Variants in EXT1 observed in about 807,000 individuals in gnomAD.
EXT1 encodes exostosin-1.
Under a neutral mutation model 82.5 loss-of-function variants are expected in EXT1, and 20 were observed. The observed-to-expected ratio is 0.24, with a 90% CI of 0.17 to 0.35. The LOEUF is 0.35. Among genes scored for constraint, EXT1 ranks in the 10% least tolerant of loss-of-function variants. The pLI, the probability that EXT1 is intolerant of heterozygous loss-of-function variation, is 1.00. For missense variants in EXT1, 757 were observed against 936.5 expected, an observed-to-expected ratio of 0.81 and a Z score of 2.50; for synonymous variants, 348 against 350.8, an observed-to-expected ratio of 0.99 and a Z score of 0.09.
chr8:117,827,128 T>G (rs1261315735), intron 4 of EXT1, among the ~76,000 whole-genome samples: 1 of 152,172 alleles, frequency 6.6e-6, no homozygotes, highest in African/African-American at 2.4e-5. Context: ...CCAGACAGCT[T>G]GTGAGATTCT....
chr8:118,091,190 A>G (rs1817518262), intron 1 of EXT1, among the ~76,000 whole-genome samples: 1 of 152,204 alleles, frequency 6.6e-6, no homozygotes, highest in Non-Finnish European at 1.5e-5. Context: ...TATCTTAGAC[A>G]ATACGATGCA....
At chr8:117,821,036 A>G (rs1396376051) in intron 5 of EXT1, among the ~76,000 whole-genome samples, 2 of 152,192 alleles carry the variant, frequency 1.3e-5, no homozygotes, top group African/African-American at 4.8e-5. Context: ...GAAATTAGAG[A>G]CAGGTTAAGA....
At position 118,100,054 on chromosome 8, in the gene EXT1, A is replaced by G. The variant is rs1424338689; in HGVS notation, c.962+10031T>C. On this transcript the variant is annotated intron_variant, in intron 1 of 10. Transcript: ENST00000378204. Reference sequence around the variant, plus strand: ...CACCATACCCAAGACGTGGCCTAATATGAATGGCTCTCCCCAGCAAGCAAT... The same window carrying G: ...CACCATACCCAAGACGTGGCCTAATGTGAATGGCTCTCCCCAGCAAGCAAT... Among the ~76,000 whole-genome samples the G allele has an allele frequency of 2.0e-5, 3 of 152,142 alleles. No individual in the cohort carries two copies. The East Asian group carries it at 5.8e-4, about 29-fold the overall frequency.
At chr8:118,102,222 G>A (rs1169261994) in intron 1 of EXT1, among the ~76,000 whole-genome samples, 6 of 151,874 alleles carry the variant, frequency 4.0e-5, no homozygotes, top group African/African-American at 1.5e-4. Flanking sequence ...AGCCGAGATC[G>A]CGCCACTGCA....
intron 1 of EXT1, among the ~76,000 whole-genome samples, chr8:117,963,785 C>G (rs879841523): frequency 6.6e-6 from 1 of 152,276 alleles, no homozygotes. Flanking sequence ...CCACTGCACC[C>G]GGCCCCTATT....
At chr8:117,877,124 T>A (rs1443186669) in intron 1 of EXT1, among the ~76,000 whole-genome samples, 1 of 152,316 alleles carries the variant, frequency 6.6e-6, no homozygotes. Flanking sequence ...TGACAGAGTA[T>A]CTTTTGCACG....
At chr8:118,005,434 G>A (rs1815753786) in intron 1 of EXT1, among the ~76,000 whole-genome samples, 1 of 152,198 alleles carries the variant, frequency 6.6e-6, no homozygotes, top group Non-Finnish European at 1.5e-5. Flanking sequence ...CAAAACAGCA[G>A]CAGTAGCTAA....
intron 3 of EXT1, among the ~76,000 whole-genome samples, chr8:117,833,087 A>G (rs1337864384): frequency 2.0e-5 from 3 of 152,248 alleles, no homozygotes; most frequent in Non-Finnish European, 4.4e-5. Flanking sequence ...TAACAAAAAA[A>G]CATTTCCCAG....
intron 1 of EXT1, among the ~76,000 whole-genome samples, chr8:118,027,830 C>T (rs538659736): frequency 1.3e-5 from 2 of 152,250 alleles, no homozygotes; most frequent in African/African-American, 4.8e-5. Context: ...AATTTGCAGC[C>T]GCTCCCCAGT....
chr8:117,946,657 G>T (rs776221973), intron 1 of EXT1, among the ~76,000 whole-genome samples: 6 of 152,176 alleles, frequency 3.9e-5, no homozygotes, highest in Non-Finnish European at 7.3e-5. Context: ...GACCAGTCGT[G>T]GGCTCCTAGC....
intron 1 of EXT1, among the ~76,000 whole-genome samples, chr8:117,996,819 T>C (rs560012437): frequency 5.9e-5 from 9 of 152,186 alleles, no homozygotes; most frequent in Non-Finnish European, 7.3e-5. Flanking sequence ...TGTAACACAA[T>C]TGAACACTCA....
chr8:118,021,648 C>G (rs2129858253), intron 1 of EXT1, among the ~76,000 whole-genome samples: 1 of 152,272 alleles, frequency 6.6e-6, no homozygotes, highest in Middle Eastern at 3.4e-3. Context: ...GAATCGTTTC[C>G]CTGTGTGATG....
At chr8:118,077,505 C>T (rs1162673811) in intron 1 of EXT1, among the ~76,000 whole-genome samples, 1 of 152,180 alleles carries the variant, frequency 6.6e-6, no homozygotes, top group Non-Finnish European at 1.5e-5. Flanking sequence ...GCAGCATTAC[C>T]TTATTGCATT....
Position 117,979,677 on chromosome 8 carries a change from AT to A in EXT1, c.962+130407del, listed in dbSNP as rs1363969422. Among the ~76,000 whole-genome samples the A allele has an allele frequency of 3.3e-5, 5 of 152,176 alleles. No individual in the cohort carries two copies. In the East Asian group the frequency reaches 5.8e-4, roughly 18 times the overall value. On this transcript the variant is annotated intron_variant, in intron 1 of 10. Transcript: ENST00000378204. ...CCGGGCAAAACACCATTTATCCTAG[AT>A]GCGTAATCTCCACAACAAAATGTTC...
Position 118,027,694 on chromosome 8 carries a change from A to T in EXT1, c.962+82391T>A, listed in dbSNP as rs140562580. Among the ~76,000 whole-genome samples the T allele has an allele frequency of 6.6e-4, 100 of 152,310 alleles. 1 individual carries two copies. Among genetic ancestry groups the T allele is most frequent in the African/African-American group, 2.3e-3 (96 of 41,570 alleles). On this transcript the variant is annotated intron_variant, in intron 1 of 10. Transcript: ENST00000378204. ...CATCAGTCACTTCCCATGCCCCCATATCGACACATTATCAATCTCCAATTA... is the reference window on the plus strand; with the variant it reads ...CATCAGTCACTTCCCATGCCCCCATTTCGACACATTATCAATCTCCAATTA...
At chr8:117,988,943 T>A (rs1303481668) in intron 1 of EXT1, among the ~76,000 whole-genome samples, 1 of 151,150 alleles carries the variant, frequency 6.6e-6, no homozygotes, top group African/African-American at 2.4e-5. Context: ...AAATAAAAAA[T>A]CTGACAGGTG....
chr8:117,980,725 T>G (rs994093011), intron 1 of EXT1, among the ~76,000 whole-genome samples: 9 of 147,170 alleles, frequency 6.1e-5, no homozygotes, highest in African/African-American at 2.0e-4. Context: ...TTTTTTTTTT[T>G]TTTTTTCCAG....
chr8:117,968,549 ATTTATTTTTTTTTTTT>A, intron 1 of EXT1, among the ~76,000 whole-genome samples: 1 of 11,340 alleles, frequency 8.8e-5, no homozygotes. Context: ...TTATTTATTT[ATTTATTTTTTTTTTTT>A]TTTTTTTTTT....
At chr8:117,969,412 T>G (rs1026127435) in intron 1 of EXT1, among the ~76,000 whole-genome samples, 15 of 152,208 alleles carry the variant, frequency 9.9e-5, no homozygotes, top group African/African-American at 2.7e-4. Flanking sequence ...ACTAAAAATG[T>G]CAACCACAGC....
Sources: allele counts gnomAD v4.1 joint callset (sites outside exome capture counted in the v4.1 genomes callset), GRCh38; gene constraint gnomAD v4.1.1; transcripts MANE v1.5; gene names NCBI Gene and HGNC (gene_info 2026-07-23, HGNC 2026-07-21).